The following ABLIM1 variants were observed in gnomAD, a reference collection of about 807,000 sequenced individuals.
ABLIM1 encodes the protein actin binding LIM protein 1.
A neutral mutation model predicts 107.0 loss-of-function variants in ABLIM1; 40 were observed. The ratio of observed to expected loss-of-function variants is 0.37; its 90% CI spans 0.29 to 0.49. The LOEUF is 0.49. Among genes scored for constraint, ABLIM1 ranks in the 20% least tolerant of loss-of-function variants. The probability of loss-of-function intolerance (pLI) is 0.97; values close to 1 mark genes in which losing one functional copy is unlikely to be tolerated. For synonymous variants in ABLIM1, 357 were observed against 357.3 expected (o/e 1.00, Z 0.01); for missense variants, 857 against 1,008.5 (o/e 0.85, Z 2.04).
At chr10:114,758,397 C>T (rs2082676391) in intron 1 of ABLIM1, among the ~76,000 whole-genome samples, 1 of 152,158 alleles carries the variant, frequency 6.6e-6, no homozygotes. Flanking sequence ...TCCCTGATGC[C>T]CATGCTCATT....
chr10:114,538,251 CCT>C (rs1265561153), intron 6 of ABLIM1, among the ~76,000 whole-genome samples: 1 of 152,282 alleles, frequency 6.6e-6, no homozygotes, highest in African/African-American at 2.4e-5. Flanking sequence ...GTTTTTAATT[CCT>C]CTGAGAGCCA....
At chr10:114,560,710 C>T (rs1053912295) in intron 4 of ABLIM1, among the ~76,000 whole-genome samples, 7 of 152,062 alleles carry the variant, frequency 4.6e-5, no homozygotes, top group Non-Finnish European at 8.8e-5. Context: ...GCAACACAAC[C>T]GCACAGACAA....
At chr10:114,749,849 G>A (rs2082473086) in intron 1 of ABLIM1, among the ~76,000 whole-genome samples, 1 of 151,836 alleles carries the variant, frequency 6.6e-6, no homozygotes, top group South Asian at 2.1e-4. Flanking sequence ...CGCTTTCTCC[G>A]CTCCTTCTCT....
chr10:114,711,895 C>T (rs1377135852), intron 1 of ABLIM1, among the ~76,000 whole-genome samples: 1 of 152,114 alleles, frequency 6.6e-6, no homozygotes, highest in African/African-American at 2.4e-5. Context: ...CTGGGCCCAA[C>T]TTGAAGCAGA....
At chr10:114,696,691 C>A (rs539203451) in intron 1 of ABLIM1, among the ~76,000 whole-genome samples, 43 of 152,304 alleles carry the variant, frequency 2.8e-4, no homozygotes, top group Admixed American at 2.5e-3. Context: ...GTAAGACATG[C>A]CTTTCACCTT....
rs1336967015 is a variant in ABLIM1 at position 114,575,573 on chromosome 10, C to T, written c.406G>A (p.Gly136Ser). The change falls in exon 3 of 23, where the codon GGC (glycine) becomes AGC (serine). Residue 136 changes from glycine to serine, a missense_variant. Gly to Ser is a moderately conservative substitution (Grantham distance 56). Around this residue, in one of 5 missense-constraint regions of ABLIM1, gnomAD observed 176 missense variants for 173.5 expected, o/e 1.01. Transcript: ENST00000533213. ...TACTCTCCGTTCTTTATGAAGAAGCCCCCTTGTGCCAGGTCACAGCCACAC... is the reference window on the plus strand; with the variant it reads ...TACTCTCCGTTCTTTATGAAGAAGCTCCCTTGTGCCAGGTCACAGCCACAC... ...KVCGCDLAQG[G>S]FFIKNGEYLC... 12 of 1,613,954 alleles carry T rather than the reference C, an allele frequency of 7.4e-6. No individual in the cohort carries two copies. The highest frequency in any genetic ancestry group is 1.3e-5 in the African/African-American group (1 of 75,020).
chr10:114,662,863 G>C (rs1457078990), upstream of ABLIM1, among the ~76,000 whole-genome samples: 1 of 152,208 alleles, frequency 6.6e-6, no homozygotes. Context: ...ACACTGCATA[G>C]GCAACGTTCC....
chr10:114,486,665 C>G (rs1398646059), intron 8 of ABLIM1, among the ~76,000 whole-genome samples: 1 of 152,126 alleles, frequency 6.6e-6, no homozygotes, highest in East Asian at 1.9e-4. Context: ...GGGCGAATTC[C>G]TCTTTGGCTG....
chr10:114,632,235 T>C (rs1566143908), intron 1 of ABLIM1: 1 of 985,372 alleles, frequency 1.0e-6, no homozygotes, highest in Non-Finnish European at 1.2e-6. Context: ...AAAATTCTAC[T>C]GTCCTAATCT....
chr10:114,566,719 T>C (rs1204298496), intron 4 of ABLIM1, among the ~76,000 whole-genome samples: 1 of 152,218 alleles, frequency 6.6e-6, no homozygotes, highest in Non-Finnish European at 1.5e-5. Flanking sequence ...AAGGCAATAA[T>C]CTTTCACTGA....
intron 14 of ABLIM1, 136 bp from the exon 15 acceptor site, chr10:114,448,156 A>G: frequency 9.0e-7 from 1 of 1,107,206 alleles, no homozygotes; most frequent in Non-Finnish European, 1.3e-6. Flanking sequence ...ACCATTATCC[A>G]TGGCCCAGTC....
chr10:114,753,609 AG>A (rs1381551934), intron 1 of ABLIM1, among the ~76,000 whole-genome samples: 1 of 152,292 alleles, frequency 6.6e-6, no homozygotes, highest in Non-Finnish European at 1.5e-5. Context: ...TCTTTTCAGT[AG>A]GGGGGTTAGG....
intron 1 of ABLIM1, among the ~76,000 whole-genome samples, chr10:114,654,709 C>T (rs796639697): frequency 2.7e-4 from 41 of 152,330 alleles, no homozygotes; most frequent in African/African-American, 8.7e-4. Context: ...TGTCTAAGTG[C>T]GCTCTGGTAC....
At chr10:114,464,389 T>C (rs1482936469) in intron 12 of ABLIM1, among the ~76,000 whole-genome samples, 1 of 152,068 alleles carries the variant, frequency 6.6e-6, no homozygotes, top group African/African-American at 2.4e-5. Flanking sequence ...TTTCACCATA[T>C]TGGTCAGGCT....
chr10:114,731,031 G>A (rs1387157567), intron 1 of ABLIM1, among the ~76,000 whole-genome samples: 1 of 152,082 alleles, frequency 6.6e-6, no homozygotes, highest in Non-Finnish European at 1.5e-5. Context: ...CCATTGTACG[G>A]ATACACCACA....
chr10:114,646,406 G>T (rs2079014370), intron 1 of ABLIM1, among the ~76,000 whole-genome samples: 1 of 152,170 alleles, frequency 6.6e-6, no homozygotes. Flanking sequence ...ACCCATTAAT[G>T]AGGCTAACAA....
chr10:114,605,774 A>T (rs376525039), intron 1 of ABLIM1, among the ~76,000 whole-genome samples: 2 of 152,208 alleles, frequency 1.3e-5, no homozygotes, highest in East Asian at 1.9e-4. Flanking sequence ...TACCCAGTTT[A>T]GAGGAATTCT....
At position 114,482,108 on chromosome 10, in the gene ABLIM1, T is replaced by A. The variant is rs184616905; in HGVS notation, c.1041+5850A>T. ...ATGAAAGCAAGTGACACCCCCCAGA[T>A]TATTACAGACTTGGTCCTGGGAATA... On this transcript the variant is annotated intron_variant, in intron 8 of 22. Transcript: ENST00000533213. Among the ~76,000 whole-genome samples the A allele has an allele frequency of 3.3e-5, 5 of 152,276 alleles. No individual in the cohort carries two copies. In the East Asian group the frequency reaches 9.6e-4, roughly 29 times the overall value.
chr10:114,448,434 T>C (rs761268239), intron 14 of ABLIM1, among the ~76,000 whole-genome samples: 25 of 152,144 alleles, frequency 1.6e-4, no homozygotes, highest in Admixed American at 3.9e-4. Flanking sequence ...TCCATCCTTA[T>C]AGAAAGTTCC....
Sources: gnomAD v4.1 joint callset for allele counts (sites outside exome capture counted in the v4.1 genomes callset) on GRCh38, gnomAD v4.1.1 for gene constraint, gnomAD v4.1.1 regional missense constraint, MANE v1.5 for transcripts, NCBI Gene and HGNC (gene_info 2026-07-23, HGNC 2026-07-21) for gene names.